Variants in LRRC18 observed in about 807,000 individuals in gnomAD.
LRRC18 encodes the protein leucine rich repeat containing 18, also known as leucine-rich repeat-containing protein 18.
Under a neutral mutation model 11.2 loss-of-function variants are expected in LRRC18, and 12 were observed. That is an observed-to-expected ratio of 1.07 (90% CI 0.69 to 1.74). The LOEUF is 1.74. Among genes scored for constraint, LRRC18 ranks in the 40% most tolerant of loss-of-function variants. The pLI, the probability that LRRC18 is intolerant of heterozygous loss-of-function variation, is 0.00. For synonymous variants in LRRC18, 155 were observed against 130.6 expected (o/e 1.19, Z -1.27); for missense variants, 374 against 330.5 (o/e 1.13, Z -1.02).
chr10:48,928,976 A>G, the LRRC18 span, among the ~76,000 whole-genome samples: 2 of 152,186 alleles, frequency 1.3e-5, no homozygotes, highest in Non-Finnish European at 2.9e-5. Context: ...AAGCAAAAAT[A>G]AGGTGTAATG....
the LRRC18 span, among the ~76,000 whole-genome samples, chr10:48,926,034 C>A: frequency 6.6e-6 from 1 of 152,184 alleles, no homozygotes; most frequent in Non-Finnish European, 1.5e-5. Flanking sequence ...GTGTCTGATA[C>A]GCAAGCTGGT....
the LRRC18 span, among the ~76,000 whole-genome samples, chr10:48,924,616 G>C: frequency 1.3e-5 from 2 of 152,130 alleles, no homozygotes; most frequent in African/African-American, 4.8e-5. Flanking sequence ...TTTTGTTCTT[G>C]TACAATTTTT....
chr10:48,932,670 G>C, the LRRC18 span: 1 of 150,326 alleles, frequency 6.7e-6, no homozygotes, highest in East Asian at 2.0e-4. Context: ...GGGAGAGAGA[G>C]AGAAAAAAAA....
the LRRC18 span, among the ~76,000 whole-genome samples, chr10:48,925,398 G>A: frequency 6.6e-6 from 1 of 152,162 alleles, no homozygotes; most frequent in Non-Finnish European, 1.5e-5. Flanking sequence ...CTCTGGGCAG[G>A]CCGCTGAAAT....
upstream of LRRC18, among the ~76,000 whole-genome samples, chr10:48,915,584 T>G (rs377234874): frequency 2.6e-5 from 4 of 152,266 alleles, no homozygotes; most frequent in East Asian, 7.7e-4. Flanking sequence ...ATATAGCACA[T>G]GAATATTGAG....
exon 1 of LRRC18, chr10:48,914,022 C>T (rs1356526913): frequency 9.9e-6 from 16 of 1,614,066 alleles, no homozygotes; most frequent in African/African-American, 4.0e-5. Context: ...GCGCAGAATA[C>T]ACTTGGGGAA....
chr10:48,918,918 T>C (rs1399790642), upstream of LRRC18, among the ~76,000 whole-genome samples: 1 of 152,208 alleles, frequency 6.6e-6, no homozygotes, highest in Non-Finnish European at 1.5e-5. Flanking sequence ...GGAGCAAAAT[T>C]GCCTGGAGAT....
chr10:48,936,863 A>T, the LRRC18 span, among the ~76,000 whole-genome samples: 1 of 151,688 alleles, frequency 6.6e-6, no homozygotes, highest in Admixed American at 6.6e-5. Flanking sequence ...AAAAAAAAAG[A>T]AAATTAAAAG....
chr10:48,925,955 C>T, the LRRC18 span, among the ~76,000 whole-genome samples: 63 of 152,236 alleles, frequency 4.1e-4, no homozygotes, highest in African/African-American at 1.4e-3. Flanking sequence ...AATTGAGACT[C>T]AGAGAAGTTA....
At chr10:48,919,044 T>C (rs1176877023), upstream of LRRC18, among the ~76,000 whole-genome samples, 3 of 152,192 alleles carry the variant, frequency 2.0e-5, no homozygotes, top group Non-Finnish European at 4.4e-5. Flanking sequence ...ACATATGGAA[T>C]ATCCACTAAC....
At chr10:48,916,513 G>A (rs1372585874), upstream of LRRC18, among the ~76,000 whole-genome samples, 1 of 151,986 alleles carries the variant, frequency 6.6e-6, no homozygotes, top group African/African-American at 2.4e-5. Context: ...CCTCAGAGCT[G>A]GGGGGTTGCT....
chr10:48,925,977 C>T, the LRRC18 span, among the ~76,000 whole-genome samples: 2 of 152,096 alleles, frequency 1.3e-5, no homozygotes, highest in Non-Finnish European at 2.9e-5. Flanking sequence ...GTGACTTCCC[C>T]AAAGTCACAC....
the LRRC18 span, among the ~76,000 whole-genome samples, chr10:48,924,367 T>A: frequency 2.6e-5 from 4 of 152,226 alleles, no homozygotes; most frequent in Non-Finnish European, 4.4e-5. Context: ...ATCATCTGTT[T>A]GAAACTGGCT....
rs1216021422 is a variant in LRRC18, at chr10:48,913,571, C to A, written c.585G>T (p.Leu195=). ...TCTCCTCCACAACATACAAGTTCTC[C>A]AGCCTCCTGATGGAGTCTATGAATA... Residue 195 remains leucine (L), a synonymous_variant, in exon 1 of 2, where the codon CTG becomes CTT. Transcript: ENST00000374160. The A allele has an allele frequency of 1.9e-6, 3 of 1,614,000 alleles. No individual in the cohort carries two copies. In the African/African-American group the frequency reaches 4.0e-5, roughly 22 times the overall value.
the LRRC18 span, among the ~76,000 whole-genome samples, chr10:48,924,683 T>G: frequency 6.6e-6 from 1 of 152,254 alleles, no homozygotes; most frequent in Non-Finnish European, 1.5e-5. Context: ...TAATTAATTT[T>G]TTCTCTTTAG....
the LRRC18 span, among the ~76,000 whole-genome samples, chr10:48,920,260 G>A: frequency 6.6e-6 from 1 of 151,580 alleles, no homozygotes; most frequent in Admixed American, 6.6e-5. Flanking sequence ...AAAAAAGCTA[G>A]AGCGGACAAA....
rs149939751 is a variant in LRRC18 at position 48,912,205 on chromosome 10, C to T, written c.764+1187G>A. On this transcript the variant is annotated intron_variant, in intron 1 of 1. Transcript: ENST00000374160. Reference sequence around the variant, plus strand: ...TGTCATTTTCTACCAAAAGATCTAGCGTAACTGGCACCACTGTTCAAAGTA... The same window carrying T: ...TGTCATTTTCTACCAAAAGATCTAGTGTAACTGGCACCACTGTTCAAAGTA... 6.4e-3 allele frequency among the ~76,000 whole-genome samples: 973 copies of T among 152,318 alleles called. 3 individuals are homozygous for T. The highest frequency in any genetic ancestry group is 0.014 in the Middle Eastern group (4 of 294).
At chr10:48,924,896 A>G in the LRRC18 span, among the ~76,000 whole-genome samples, 104 of 152,346 alleles carry the variant, frequency 6.8e-4, no homozygotes, top group Non-Finnish European at 2.1e-4. Context: ...CTTTGTTTCT[A>G]TATTTCTGAC....
the LRRC18 span, chr10:48,935,257 G>C: frequency 6.6e-6 from 1 of 152,254 alleles, no homozygotes; most frequent in South Asian, 2.1e-4. Flanking sequence ...GAGGTCATTA[G>C]CACAGTCTTG....
Sources: allele counts gnomAD v4.1 joint callset (sites outside exome capture counted in the v4.1 genomes callset), GRCh38; gene constraint gnomAD v4.1.1; transcripts MANE v1.5; gene names NCBI Gene and HGNC (gene_info 2026-07-23, HGNC 2026-07-21).